Variants in WDPCP observed in about 807,000 individuals in gnomAD.
WDPCP encodes WD repeat containing planar cell polarity effector.
A neutral mutation model predicts 93.1 loss-of-function variants in WDPCP; 71 were observed. That is an observed-to-expected ratio of 0.76 (90% CI 0.63 to 0.93). The LOEUF (loss-of-function observed/expected upper bound fraction) is 0.93. WDPCP is among the 40% of genes least tolerant of loss of function. The pLI, the probability that WDPCP is intolerant of heterozygous loss-of-function variation, is 0.00. For synonymous variants in WDPCP, 315 were observed against 315.0 expected, an observed-to-expected ratio of 1.00 and a Z score of 0.00; for missense variants, 844 against 887.4, an observed-to-expected ratio of 0.95 and a Z score of 0.62.
intron 14 of WDPCP, among the ~76,000 whole-genome samples, chr2:63,195,440 G>C (rs1574846333): frequency 6.6e-6 from 1 of 152,044 alleles, no homozygotes; most frequent in East Asian, 1.9e-4. Context: ...TGACAACATG[G>C]GTTTGAACTG....
chr2:63,602,759 T>G (rs909773325), intron 3 of WDPCP, among the ~76,000 whole-genome samples: 2 of 152,128 alleles, frequency 1.3e-5, no homozygotes, highest in African/African-American at 4.8e-5. Flanking sequence ...TTTTGAGAAT[T>G]TACAAAAGTG....
At chr2:63,306,505 A>G (rs1685757056) in intron 13 of WDPCP, among the ~76,000 whole-genome samples, 1 of 152,192 alleles carries the variant, frequency 6.6e-6, no homozygotes, top group Non-Finnish European at 1.5e-5. Flanking sequence ...AATACTCGCA[A>G]ACTGACTCTG....
At chr2:63,438,700 C>T (rs1428745405) in intron 7 of WDPCP, among the ~76,000 whole-genome samples, 2 of 152,040 alleles carry the variant, frequency 1.3e-5, no homozygotes, top group African/African-American at 4.8e-5. Context: ...TAATTATGGC[C>T]ATCCTGCAGA....
In WDPCP at chr2:63,210,010, T is replaced by G. The variant is rs2104399658; in HGVS notation, c.1916-35178A>C. On this transcript the variant is annotated intron_variant, in intron 14 of 17. Transcript: ENST00000272321. ...TCTGGTTGGTGGCATTATACAGATC[T>G]CTTATTTTCTAAATGTTTGAGTTTT... Among the ~76,000 whole-genome samples, 2 of 152,290 alleles carry G rather than the reference T, an allele frequency of 1.3e-5. 1 individual carries two copies. The highest frequency in any genetic ancestry group is 4.1e-4 in the South Asian group (2 of 4,826).
chr2:63,364,132 C>A (rs552938420), intron 12 of WDPCP, among the ~76,000 whole-genome samples: 12 of 152,290 alleles, frequency 7.9e-5, no homozygotes, highest in East Asian at 3.9e-4. Context: ...GATTGCTCAA[C>A]ACCATGATTC....
chr2:63,400,872 T>A (rs890335675), intron 10 of WDPCP, among the ~76,000 whole-genome samples: 1 of 152,092 alleles, frequency 6.6e-6, no homozygotes, highest in Non-Finnish European at 1.5e-5. Flanking sequence ...TCAACAAACC[T>A]GACACAAAAA....
At chr2:63,727,575 G>A (rs906889383) in intron 2 of WDPCP, among the ~76,000 whole-genome samples, 13 of 152,094 alleles carry the variant, frequency 8.5e-5, no homozygotes, top group Admixed American at 7.2e-4. Flanking sequence ...AGAATGAGTT[G>A]GATAGGAGTC....
At chr2:63,475,339 C>G (rs1210813819) in intron 6 of WDPCP, among the ~76,000 whole-genome samples, 1 of 152,002 alleles carries the variant, frequency 6.6e-6, no homozygotes, top group African/African-American at 2.4e-5. Context: ...AAAGTTATGT[C>G]CTTCCTGCAA....
chr2:63,710,304 G>C (rs781685948), intron 2 of WDPCP, among the ~76,000 whole-genome samples: 7 of 152,190 alleles, frequency 4.6e-5, no homozygotes, highest in Admixed American at 6.5e-5. Context: ...GGCTGAGTTT[G>C]TCTACTGAAA....
chr2:63,502,777 T>C (rs62179363), intron 1 of WDPCP, among the ~76,000 whole-genome samples: 1 of 150,820 alleles, frequency 6.6e-6, no homozygotes, highest in Non-Finnish European at 1.5e-5. Context: ...TAGAATCTGA[T>C]TTAAAAAAAA....
At chr2:63,449,150 C>T (rs932892993) in intron 6 of WDPCP, among the ~76,000 whole-genome samples, 7 of 152,046 alleles carry the variant, frequency 4.6e-5, no homozygotes, top group African/African-American at 1.7e-4. Context: ...CAATTAACAA[C>T]TTGAATAAAA....
At chr2:63,812,094 G>A (rs1670871271) in intron 2 of WDPCP, among the ~76,000 whole-genome samples, 1 of 151,906 alleles carries the variant, frequency 6.6e-6, no homozygotes, top group South Asian at 2.1e-4. Context: ...CGAACTCCTG[G>A]GCTCAAATGA....
intron 6 of WDPCP, among the ~76,000 whole-genome samples, chr2:63,464,867 T>C (rs1225882096): frequency 2.0e-5 from 3 of 152,052 alleles, no homozygotes; most frequent in Non-Finnish European, 4.4e-5. Context: ...AGAATGCTGG[T>C]TACCAGGGGT....
chr2:63,731,280 A>T (rs1360125225), intron 2 of WDPCP, among the ~76,000 whole-genome samples: 1 of 152,134 alleles, frequency 6.6e-6, no homozygotes, highest in Non-Finnish European at 1.5e-5. Context: ...AAAAAAAAAA[A>T]AAAAGACAAG....
intron 17 of WDPCP, among the ~76,000 whole-genome samples, chr2:63,135,166 C>T (rs1670530637): frequency 6.6e-6 from 1 of 152,108 alleles, no homozygotes; most frequent in African/African-American, 2.4e-5. Context: ...GTGCAAAAAT[C>T]TTAAAATGGA....
chr2:63,474,294 C>A (rs1000778229), intron 6 of WDPCP, among the ~76,000 whole-genome samples: 1 of 151,910 alleles, frequency 6.6e-6, no homozygotes, highest in African/African-American at 2.4e-5. Flanking sequence ...ATATCCATGG[C>A]AAATTAGAAA....
intron 2 of WDPCP, among the ~76,000 whole-genome samples, chr2:63,661,221 G>T (rs1026555635): frequency 6.6e-6 from 1 of 152,104 alleles, no homozygotes; most frequent in African/African-American, 2.4e-5. Context: ...GTGTCATCTG[G>T]GAACATCTCA....
chr2:63,434,166 T>C (rs1041256304), intron 8 of WDPCP, among the ~76,000 whole-genome samples: 2 of 152,082 alleles, frequency 1.3e-5, no homozygotes, highest in Non-Finnish European at 2.9e-5. Context: ...AAAGGAGAAA[T>C]GTGAGCTAGG....
intron 13 of WDPCP, among the ~76,000 whole-genome samples, chr2:63,299,210 G>A (rs919685206): frequency 1.3e-5 from 2 of 152,236 alleles, no homozygotes; most frequent in African/African-American, 4.8e-5. Flanking sequence ...CCAGCTGTCA[G>A]TGCATAGGAC....
Sources: gnomAD v4.1 joint callset for allele counts (sites outside exome capture counted in the v4.1 genomes callset) on GRCh38, gnomAD v4.1.1 for gene constraint, MANE v1.5 for transcripts, NCBI Gene and HGNC (gene_info 2026-07-23, HGNC 2026-07-21) for gene names.